FSIP2: variants seen among roughly 807,000 people sequenced by gnomAD.
FSIP2 encodes fibrous sheath-interacting protein 2.
A neutral mutation model predicts 510.5 loss-of-function variants in FSIP2; 367 were observed. The ratio of observed to expected loss-of-function variants is 0.72; its 90% CI spans 0.66 to 0.78. The LOEUF (loss-of-function observed/expected upper bound fraction) is 0.78, where lower values mean the gene tolerates loss of function less well. FSIP2 is among the 30% of genes least tolerant of loss of function. The pLI is 0.00. For missense variants in FSIP2, 7,594 were observed against 7,901.7 expected, an observed-to-expected ratio of 0.96 and a Z score of 1.48; for synonymous variants, 2,601 against 2,732.2, an observed-to-expected ratio of 0.95 and a Z score of 1.50.
chr2:185,788,539 C>T (rs1429657300), intron 15 of FSIP2, 104 bp from the exon 16 acceptor site: 2 of 686,712 alleles, frequency 2.9e-6, no homozygotes, highest in African/African-American at 3.7e-5. Flanking sequence ...TAATGGTATT[C>T]CACCAATACA....
chr2:185,793,103 C>T lies in FSIP2; in HGVS notation c.5967C>T (p.Thr1989=). 2.0e-6 allele frequency: 3 copies of T among 1,534,258 alleles called. No individual in the cohort carries two copies. The highest frequency in any genetic ancestry group is 2.6e-6 in the Non-Finnish European group (3 of 1,145,656). ...TAGATCATACCAAGTCAGGAAAGAC[C>T]AACTTGTGCCAACTGTCTTTGTCTA... ...CSVDHTKSGK[T]NLCQLSLSKL... is the part of the protein sequence containing the mutation. The change falls in exon 16 of 23, where the codon ACC becomes ACT. Residue 1989 remains threonine (T), a synonymous_variant. Coordinates refer to ENST00000424728, the MANE Select transcript of FSIP2 (RefSeq NM_173651.4).
chr2:185,759,544 TATAA>T (rs1402831915), intron 9 of FSIP2, among the ~76,000 whole-genome samples: 6 of 145,520 alleles, frequency 4.1e-5, no homozygotes, highest in Admixed American at 1.4e-4. Context: ...TTTTTATAAT[TATAA>T]ATAAGTATTA....
At position 185,801,483 on chromosome 2, in the gene FSIP2, A is replaced by C; in HGVS notation, c.12177A>C (p.Glu4059Asp). The C allele has an allele frequency of 6.5e-7, 1 of 1,533,932 alleles. No individual in the cohort carries two copies. The highest frequency in any genetic ancestry group is 2.4e-5 in the East Asian group (1 of 40,832). The change falls in exon 17 of 23, where the codon GAA (glutamate) becomes GAC (aspartate). Residue 4059 changes from glutamate (E) to aspartate (D), a missense_variant. By Grantham distance (45) the Glu-to-Asp change is conservative. Transcript: ENST00000424728. ...ATTATGATGTTTTACAGCAGTATGA[A>C]TTAAAAGTGGCCTGTGGTAATAATC... is the stretch of plus-strand genomic sequence containing the variant. ...SVYYDVLQQY[E>D]LKVACGNNPV...
chr2:185,769,539 A>T lies in FSIP2; in HGVS notation c.1411+4974A>T, dbSNP rs544331735. Among the ~76,000 whole-genome samples, 12 of 152,192 alleles carry T rather than the reference A, an allele frequency of 7.9e-5. No individual in the cohort carries two copies. In the South Asian group the frequency reaches 2.5e-3, roughly 32 times the overall value. ...AATATTAGACTCTTGCCAGATGCAT[A>T]GTTTGCAAATATTTTTTCCCATTTT... On this transcript the variant is annotated intron_variant, in intron 13 of 22. Transcript: ENST00000424728.
Position 185,796,418 on chromosome 2 carries a change from G to C in FSIP2, c.9282G>C (p.Lys3094Asn). ...NIISDMLAVI[K>N]NKLDNEISQM... The stretch of plus-strand genomic sequence containing the variant: ...TCAGTGACATGCTTGCTGTAATTAA[G>C]AACAAGCTAGACAACGAAATAAGCC... Residue 3094 changes from lysine to asparagine, a missense_variant, in exon 16 of 23, where the codon AAG (lysine) becomes AAC (asparagine). Lys to Asn is a moderately conservative substitution (Grantham distance 94). Transcript: ENST00000424728. The C allele has an allele frequency of 6.5e-7, 1 of 1,534,242 alleles. No homozygotes were observed. The highest frequency in any genetic ancestry group is 8.7e-7 in the Non-Finnish European group (1 of 1,145,786).
In FSIP2 at chr2:185,804,651, T is replaced by C; in HGVS notation, c.15345T>C (p.His5115=). Residue 5115 remains histidine (H), a synonymous_variant, in exon 17 of 23, where the codon CAT becomes CAC. Transcript: ENST00000424728. ...CACCATATATTACTGTGTTGCCTCA[T>C]TCTCTTTTAGAAGATATGGTTTACA... is the stretch of plus-strand genomic sequence containing the variant. ...ALPPYITVLP[H]SLLEDMVYRL... is the part of the protein sequence containing the mutation. The C allele has an allele frequency of 6.5e-7, 1 of 1,533,154 alleles. No individual in the cohort carries two copies. The highest frequency in any genetic ancestry group is 1.2e-5 in the South Asian group (1 of 83,910). The allele number at this position is 1,533,154 out of a possible 1,614,324, so 95.0% of individuals were successfully genotyped here.
At position 185,824,437 on chromosome 2, in the gene FSIP2, G is replaced by C; in HGVS notation, c.20430G>C (p.Glu6810Asp). 2 of 1,588,918 alleles carry C rather than the reference G, an allele frequency of 1.3e-6. No individual in the cohort carries two copies. The highest frequency in any genetic ancestry group is 1.7e-6 in the Non-Finnish European group (2 of 1,165,192). The change falls in exon 20 of 23, where the codon GAG becomes GAC. Residue 6810 changes from glutamate to aspartate, a missense_variant. Glu to Asp is a conservative substitution (Grantham distance 45, BLOSUM62 2). Transcript: ENST00000424728. ...NQEDLISSTG[E>D]AEDCHSDPSA... ...TGTTCTTTTTCTTTTGTTTTAGTGAGGCTGAAGATTGTCACTCAGACCCAA... is the reference window on the plus strand; with the variant it reads ...TGTTCTTTTTCTTTTGTTTTAGTGACGCTGAAGATTGTCACTCAGACCCAA...
intron 19 of FSIP2, among the ~76,000 whole-genome samples, chr2:185,819,663 G>A (rs1693880645): frequency 6.6e-6 from 1 of 151,840 alleles, no homozygotes; most frequent in Admixed American, 6.6e-5. Context: ...TTATGACAGT[G>A]TGAAAGCAAT....
At chr2:185,749,922 T>C (rs1692108955) in intron 7 of FSIP2, among the ~76,000 whole-genome samples, 1 of 151,884 alleles carries the variant, frequency 6.6e-6, no homozygotes, top group African/African-American at 2.4e-5. Context: ...ATTGAATTCA[T>C]ATGTAGGTTT....
intron 3 of FSIP2, among the ~76,000 whole-genome samples, chr2:185,744,030 A>G (rs1004962804): frequency 1.3e-5 from 2 of 151,394 alleles, no homozygotes; most frequent in African/African-American, 2.4e-5. Context: ...GGGTCTTGCT[A>G]TGTTGCCCAG....
In FSIP2 at chr2:185,782,762, T is replaced by C; in HGVS notation, c.1469T>C (p.Met490Thr). ...GIFSSPVYTN[M>T]QQNLLQNCLQ... Reference sequence around the variant, plus strand: ...TTTTCTTCTCCTGTTTACACAAATATGTAAGTACCTAAGGAATTATATATA... The same window carrying C: ...TTTTCTTCTCCTGTTTACACAAATACGTAAGTACCTAAGGAATTATATATA... The change falls in exon 14 of 23, where the codon ATG (methionine) becomes ACG (threonine). Residue 490 changes from methionine to threonine, a missense_variant and splice_region_variant. Coordinates refer to ENST00000424728, the MANE Select transcript of FSIP2 (RefSeq NM_173651.4). The C allele has an allele frequency of 2.8e-6, 4 of 1,427,380 alleles. No homozygotes were observed. Among genetic ancestry groups the C allele is most frequent in the Admixed American group, 2.0e-5 (1 of 50,888 alleles). The allele number at this position is 1,427,380 out of a possible 1,614,324, so 88.4% of individuals were successfully genotyped here.
At chr2:185,772,816 CT>C (rs1381086004) in intron 13 of FSIP2, among the ~76,000 whole-genome samples, 5 of 151,094 alleles carry the variant, frequency 3.3e-5, no homozygotes, top group African/African-American at 9.7e-5. Context: ...CTCCCCTCCC[CT>C]CCTCTCCTCT....
rs1377877120 is a variant in FSIP2, at chr2:185,793,271, G to T, written c.6135G>T (p.Leu2045Phe). 2.6e-6 allele frequency: 4 copies of T among 1,534,186 alleles called. No individual in the cohort carries two copies. Among genetic ancestry groups the T allele is most frequent in the Non-Finnish European group, 3.5e-6 (4 of 1,145,568 alleles). The change falls in exon 16 of 23, where the codon TTG (leucine) becomes TTT (phenylalanine). Residue 2045 changes from leucine to phenylalanine, a missense_variant. Transcript: ENST00000424728. The stretch of plus-strand genomic sequence containing the variant: ...TTGCAAGTCAAATTGTTAACGCATT[G>T]TTAGACATTATATCACGTAAAGGCA... The part of the protein sequence containing the change: ...ESIASQIVNA[L>F]LDIISRKGKC...
intron 7 of FSIP2, among the ~76,000 whole-genome samples, chr2:185,747,991 T>C (rs368829385): frequency 6.6e-6 from 1 of 152,070 alleles, no homozygotes; most frequent in East Asian, 1.9e-4. Flanking sequence ...TAAAATGCCA[T>C]TGTCAACTTA....
Position 185,796,562 on chromosome 2 carries a change from A to T in FSIP2, c.9426A>T (p.Arg3142Ser), listed in dbSNP as rs1330175855. Reference sequence around the variant, plus strand: ...AGTCTTTGATACAAAACCTTTCAAGAGAAAGTTTGTTCCAAGGAGCTGAAA... The same window carrying T: ...AGTCTTTGATACAAAACCTTTCAAGTGAAAGTTTGTTCCAAGGAGCTGAAA... The part of the protein sequence containing the change: ...FNESLIQNLS[R>S]ESLFQGAENA... The change falls in exon 16 of 23, where the codon AGA becomes AGT. Residue 3142 changes from arginine (R) to serine (S), a missense_variant. Physicochemically the swap from Arg to Ser is moderately radical, Grantham distance 110. Transcript: ENST00000424728. 4.6e-6 allele frequency: 7 copies of T among 1,534,946 alleles called. No homozygotes were observed. In the Admixed American group the frequency reaches 1.2e-4, roughly 26 times the overall value.
Position 185,805,536 on chromosome 2 carries a change from A to T in FSIP2, c.16230A>T (p.Leu5410=). The T allele has an allele frequency of 6.2e-7, 1 of 1,611,530 alleles. No individual in the cohort carries two copies. The change falls in exon 17 of 23, where the codon CTA becomes CTT. Residue 5410 remains leucine (L), a synonymous_variant. Transcript: ENST00000424728. ...GGTCTTCCACCTTCTTTTCATTTCT[A>T]AATCCAGATAATATCACCCAAAGGG... ...GDWSSTFFSF[L]NPDNITQRVQ...
rs747089800 is a variant in FSIP2, at chr2:185,807,710, G to A, written c.18404G>A (p.Cys6135Tyr). 1.2e-6 allele frequency: 2 copies of A among 1,612,708 alleles called. No homozygotes were observed. The highest frequency in any genetic ancestry group is 1.7e-5 in the Admixed American group (1 of 59,820). Residue 6135 changes from cysteine to tyrosine, a missense_variant, in exon 17 of 23, where the codon TGT becomes TAT. Transcript: ENST00000424728. The part of the protein sequence containing the change: ...VASNQLQSYF[C>Y]GELTPHQCVE... ...AGCAATCAGCTGCAGAGCTATTTTT[G>A]TGGAGAGCTAACTCCACATCAGTGT... is the stretch of plus-strand genomic sequence containing the variant.
At chr2:185,746,574 C>T in intron 5 of FSIP2, 95 bp from the exon 6 acceptor site, 1 of 917,684 alleles carries the variant, frequency 1.1e-6, no homozygotes, top group Non-Finnish European at 1.5e-6. Context: ...AAATGAAAGG[C>T]AAGCAAGGAA....
Position 185,800,016 on chromosome 2 carries a change from T to G in FSIP2, c.10710T>G (p.Asn3570Lys). ...AAATCATTATTAAAATTCTTTTTAATAATAAAATTATACAGGCTGACATTG... is the reference window on the plus strand; with the variant it reads ...AAATCATTATTAAAATTCTTTTTAAGAATAAAATTATACAGGCTGACATTG... ...ISEIIIKILFNNKIIQADIAQ... is the reference protein window; with the variant it reads ...ISEIIIKILFKNKIIQADIAQ... Residue 3570 changes from asparagine (N) to lysine (K), a missense_variant, in exon 17 of 23, where the codon AAT (asparagine) becomes AAG (lysine). Physicochemically the swap from Asn to Lys is moderately conservative, Grantham distance 94. Coordinates refer to ENST00000424728, the MANE Select transcript of FSIP2 (RefSeq NM_173651.4). The G allele has an allele frequency of 2.6e-6, 4 of 1,519,146 alleles. No homozygotes were observed. Among genetic ancestry groups the G allele is most frequent in the Non-Finnish European group, 3.5e-6 (4 of 1,136,710 alleles). 94.1% of individuals were successfully genotyped at this position (1,519,146 alleles called of 1,614,324 possible). A position where few individuals can be genotyped will look rare whatever the true frequency, so the allele number is the denominator to read the frequency against.
Sources: allele counts gnomAD v4.1 joint callset (sites outside exome capture counted in the v4.1 genomes callset), GRCh38; gene constraint gnomAD v4.1.1; transcripts MANE v1.5; gene names NCBI Gene and HGNC (gene_info 2026-07-23, HGNC 2026-07-21).